Variants in SNAP29 observed in about 807,000 individuals in gnomAD.
SNAP29 encodes synaptosome associated protein 29, also known as synaptosomal-associated protein 29.
In SNAP29, 13 loss-of-function variants were observed where a neutral mutation model predicts 27.9. The observed-to-expected ratio is 0.47, with a 90% CI of 0.30 to 0.74. The LOEUF is 0.74. Among genes scored for constraint, SNAP29 ranks in the 30% least tolerant of loss-of-function variants. SNAP29 has a pLI of 0.06. For synonymous variants in SNAP29, 119 were observed against 127.1 expected, an observed-to-expected ratio of 0.94 and a Z score of 0.43; for missense variants, 368 against 336.5, an observed-to-expected ratio of 1.09 and a Z score of -0.73.
Position 20,878,187 on chromosome 22 carries a change from A to G in SNAP29, c.435-2862A>G, listed in dbSNP as rs1426642217. ...AGATGCGCAGCACCCATGGGGAGTA[A>G]GGATTGGAAGGGAGGGAATTGAATT... On this transcript the variant is annotated intron_variant, in intron 2 of 4. Transcript: ENST00000215730. Among the ~76,000 whole-genome samples, 4 of 152,120 alleles carry G rather than the reference A, an allele frequency of 2.6e-5. No individual in the cohort carries two copies. The East Asian group carries it at 7.7e-4, about 29-fold the overall frequency.
chr22:20,878,139 T>A (rs1928792111), intron 2 of SNAP29, among the ~76,000 whole-genome samples: 1 of 152,110 alleles, frequency 6.6e-6, no homozygotes, highest in East Asian at 1.9e-4. Flanking sequence ...ACTGAAGAGG[T>A]GCTTGCCAGT....
At chr22:20,863,508 C>T (rs916334602) in intron 1 of SNAP29, among the ~76,000 whole-genome samples, 3 of 152,168 alleles carry the variant, frequency 2.0e-5, no homozygotes, top group Admixed American at 1.3e-4. Context: ...GATTGTTTCT[C>T]ACAAAGGCTC....
chr22:20,863,853 GT>G (rs1042254562), intron 1 of SNAP29, among the ~76,000 whole-genome samples: 64 of 146,518 alleles, frequency 4.4e-4, no homozygotes, highest in East Asian at 7.9e-4. Context: ...ATAAAAATGG[GT>G]TTTTTTTTTT....
intron 2 of SNAP29, among the ~76,000 whole-genome samples, chr22:20,871,456 C>T (rs76671542): frequency 9.4e-4 from 116 of 123,868 alleles, no homozygotes; most frequent in African/African-American, 3.6e-3. Context: ...TGCACTACAG[C>T]ATCAGTGACA....
chr22:20,872,627 C>T (rs980404670), intron 2 of SNAP29, among the ~76,000 whole-genome samples: 29 of 151,962 alleles, frequency 1.9e-4, no homozygotes, highest in Non-Finnish European at 4.1e-4. Flanking sequence ...GTCTCGACCT[C>T]CTGACTTCGT....
chr22:20,886,443 G>T (rs188424782), intron 4 of SNAP29, among the ~76,000 whole-genome samples: 7 of 151,998 alleles, frequency 4.6e-5, no homozygotes, highest in Non-Finnish European at 8.8e-5. Flanking sequence ...GAGTAGCTGG[G>T]ATTACAAGGT....
At chr22:20,874,144 G>A (rs1193005191) in intron 2 of SNAP29, among the ~76,000 whole-genome samples, 4 of 148,436 alleles carry the variant, frequency 2.7e-5, no homozygotes. Context: ...GTGTGGTGGC[G>A]GGCGCCTGTG....
At chr22:20,864,574 C>G (rs1365586685) in intron 1 of SNAP29, among the ~76,000 whole-genome samples, 2 of 152,206 alleles carry the variant, frequency 1.3e-5, no homozygotes, top group Non-Finnish European at 2.9e-5. Context: ...CCCTCTGAGG[C>G]AGCGTGTGGT....
intron 1 of SNAP29, among the ~76,000 whole-genome samples, chr22:20,861,222 AT>A (rs1175556147): frequency 6.9e-6 from 1 of 145,084 alleles, no homozygotes; most frequent in East Asian, 2.2e-4. Flanking sequence ...GGTTCAAGTG[AT>A]TCTCCTGCCT....
chr22:20,882,927 T>C (rs1380822919), intron 3 of SNAP29, among the ~76,000 whole-genome samples: 1 of 151,016 alleles, frequency 6.6e-6, no homozygotes, highest in Non-Finnish European at 1.5e-5. Context: ...CCAAGAAAGA[T>C]AATTTTAAAA....
In SNAP29 at chr22:20,881,031, G is replaced by A; in HGVS notation, c.435-18G>A. 1 of 1,546,276 alleles carries A rather than the reference G, an allele frequency of 6.5e-7. No homozygotes were observed. Among genetic ancestry groups the A allele is most frequent in the Non-Finnish European group, 8.9e-7 (1 of 1,118,338 alleles). On this transcript the variant is annotated intron_variant, in intron 2 of 4. Transcript: ENST00000215730. ...TTCCTTTTTAAACGTTTTCTTTTTT[G>A]TGAACTTTTATCCAAAGATTGAAAG...
chr22:20,859,158 G>A lies in SNAP29; in HGVS notation c.48G>A (p.Glu16=). The part of the protein sequence containing the change: ...KSYNPFDDDG[E]DEGARPAPWR... ...ACAATCCGTTCGACGACGACGGGGA[G>A]GACGAAGGCGCCCGGCCGGCCCCTT... The change falls in exon 1 of 5, where the codon GAG becomes GAA. Residue 16 remains glutamate (E), a synonymous_variant. Coordinates refer to ENST00000215730, the MANE Select transcript of SNAP29 (RefSeq NM_004782.4). 1 of 1,607,158 alleles carries A rather than the reference G, an allele frequency of 6.2e-7. No homozygotes were observed. Among genetic ancestry groups the A allele is most frequent in the Non-Finnish European group, 8.5e-7 (1 of 1,178,038 alleles).
chr22:20,860,224 C>T (rs1928236908), intron 1 of SNAP29, among the ~76,000 whole-genome samples: 1 of 149,070 alleles, frequency 6.7e-6, no homozygotes. Flanking sequence ...CCGGGTGTGG[C>T]GGTGCGCCTG....
chr22:20,882,146 G>C (rs1348514738), intron 3 of SNAP29, among the ~76,000 whole-genome samples: 2 of 151,880 alleles, frequency 1.3e-5, no homozygotes, highest in Non-Finnish European at 1.5e-5. Context: ...TCCAGAAGGA[G>C]TGCAACCCTG....
At position 20,887,786 on chromosome 22, in the gene SNAP29, A is replaced by G. The variant is rs1317535787; in HGVS notation, c.727A>G (p.Lys243Glu). The change falls in exon 5 of 5, where the codon AAG becomes GAG. Residue 243 changes from lysine (K) to glutamate (E), a missense_variant. By Grantham distance (56) the Lys-to-Glu change is moderately conservative. Coordinates refer to ENST00000215730, the MANE Select transcript of SNAP29 (RefSeq NM_004782.4). ...TGACCGGCTGACAACCAAAGTGGACAAGTTAGATGTCAACATAAAAAGCAC... is the reference window on the plus strand; with the variant it reads ...TGACCGGCTGACAACCAAAGTGGACGAGTTAGATGTCAACATAAAAAGCAC... ...ILDRLTTKVD[K>E]LDVNIKSTER... 2.5e-6 allele frequency: 4 copies of G among 1,614,122 alleles called. No individual in the cohort carries two copies. The African/African-American group carries it at 5.3e-5, about 22-fold the overall frequency.
At chr22:20,878,529 G>T (rs903038399) in intron 2 of SNAP29, among the ~76,000 whole-genome samples, 1 of 152,116 alleles carries the variant, frequency 6.6e-6, no homozygotes, top group Non-Finnish European at 1.5e-5. Flanking sequence ...AGTGCGTGGA[G>T]ATCACGCCAC....
chr22:20,861,418 C>T (rs1928316842), intron 1 of SNAP29, among the ~76,000 whole-genome samples: 1 of 152,012 alleles, frequency 6.6e-6, no homozygotes, highest in Non-Finnish European at 1.5e-5. Context: ...GCCCACCTCC[C>T]TGTGTTTAAC....
intron 2 of SNAP29, among the ~76,000 whole-genome samples, chr22:20,871,431 C>T (rs969984575): frequency 7.1e-6 from 1 of 140,058 alleles, no homozygotes; most frequent in African/African-American, 2.7e-5. Context: ...TAGAGTTAAG[C>T]TATGATGGTG....
chr22:20,874,213 TACAGTGAGCTGAGATCACGCCACTGCA>T lies in SNAP29; in HGVS notation c.434+3708_434+3734del, dbSNP rs59768219. ...TGGCGTGAACCCAGGAGGCGGAGCT[TACAGTGAGCTGAGATCACGCCACTGCA>T]ACAGTGAGCTGAGATCACGCCACTG... On this transcript the variant is annotated intron_variant, in intron 2 of 4. Transcript: ENST00000215730. Among the ~76,000 whole-genome samples, 1,185 of 145,930 alleles carry T rather than the reference TACAGTGAGCTGAGATCACGCCACTGCA, an allele frequency of 8.1e-3. 13 individuals carry two copies. Among genetic ancestry groups the T allele is most frequent in the Middle Eastern group, 0.022 (6 of 272 alleles).
Sources: allele counts gnomAD v4.1 joint callset (sites outside exome capture counted in the v4.1 genomes callset), GRCh38; gene constraint gnomAD v4.1.1; transcripts MANE v1.5; gene names NCBI Gene and HGNC (gene_info 2026-07-23, HGNC 2026-07-21).